The following PCDH15 variants were observed in gnomAD, a reference collection of about 807,000 sequenced individuals.
PCDH15 encodes protocadherin-15.
PCDH15 carries 129 observed loss-of-function variants against 178.5 expected under a neutral mutation model. The observed-to-expected ratio is 0.72, with a 90% CI of 0.63 to 0.84. The LOEUF (loss-of-function observed/expected upper bound fraction) is 0.84. Ranked by LOEUF, PCDH15 falls within the 40% of genes least tolerant of loss-of-function variation. PCDH15 has a pLI of 0.00. For missense variants in PCDH15, 2,230 were observed against 2,099.9 expected (o/e 1.06, Z -1.21); for synonymous variants, 800 against 732.0 (o/e 1.09, Z -1.50).
intron 6 of PCDH15, among the ~76,000 whole-genome samples, chr10:54,337,557 A>G (rs765659815): frequency 1.3e-5 from 2 of 152,158 alleles, no homozygotes; most frequent in African/African-American, 2.4e-5. Context: ...GTGAAAACGG[A>G]CTAACACAAC....
chr10:55,225,986 C>T (rs1841025109), intron 1 of PCDH15, among the ~76,000 whole-genome samples: 2 of 152,058 alleles, frequency 1.3e-5, no homozygotes, highest in South Asian at 4.1e-4. Flanking sequence ...TCCTTGTTGG[C>T]TTTCAGAATG....
At chr10:54,658,150 C>A (rs902484468) in intron 2 of PCDH15, among the ~76,000 whole-genome samples, 1 of 151,290 alleles carries the variant, frequency 6.6e-6, no homozygotes, top group African/African-American at 2.4e-5. Context: ...TGGAAAGCAA[C>A]CAAACCTATA....
chr10:55,095,429 T>C (rs1033758049), intron 2 of PCDH15, among the ~76,000 whole-genome samples: 1 of 152,094 alleles, frequency 6.6e-6, no homozygotes, highest in African/African-American at 2.4e-5. Context: ...AATTTTGAAA[T>C]AAGTTATACA....
At chr10:54,558,072 G>C (rs1185605483) in intron 2 of PCDH15, among the ~76,000 whole-genome samples, 3 of 152,140 alleles carry the variant, frequency 2.0e-5, no homozygotes, top group Admixed American at 2.0e-4. Flanking sequence ...GTATATGATA[G>C]TTGAAATGAT....
chr10:55,128,096 T>A (rs895737452), intron 2 of PCDH15, among the ~76,000 whole-genome samples: 4 of 151,646 alleles, frequency 2.6e-5, no homozygotes, highest in African/African-American at 7.3e-5. Context: ...TGCTTCCAAC[T>A]GGAAGCCACT....
At chr10:53,926,045 A>G (rs1251871270) in intron 25 of PCDH15, among the ~76,000 whole-genome samples, 1 of 152,220 alleles carries the variant, frequency 6.6e-6, no homozygotes, top group African/African-American at 2.4e-5. Flanking sequence ...ACCCAAGATC[A>G]AAAGTATAAA....
intron 8 of PCDH15, among the ~76,000 whole-genome samples, chr10:54,273,291 GAAATAT>G (rs1228425491): frequency 1.3e-5 from 2 of 151,004 alleles, no homozygotes; most frequent in Non-Finnish European, 3.0e-5. Flanking sequence ...AATTATATAG[GAAATAT>G]AAATATAAAC....
chr10:54,223,037 C>G (rs375040846), intron 9 of PCDH15, among the ~76,000 whole-genome samples: 4 of 152,170 alleles, frequency 2.6e-5, no homozygotes, highest in Non-Finnish European at 5.9e-5. Context: ...GCCAGCCGGG[C>G]ACAGTGGCTC....
chr10:54,658,051 C>A (rs1330569711), intron 2 of PCDH15, among the ~76,000 whole-genome samples: 1 of 152,010 alleles, frequency 6.6e-6, no homozygotes, highest in African/African-American at 2.4e-5. Flanking sequence ...CATTCAGAAG[C>A]CTGGTTTTTT....
chr10:53,883,463 A>C lies in PCDH15; in HGVS notation c.3502-16606T>G, dbSNP rs570126788. ...TCTTATTCGTTAAATCTTTGTTTTT[A>C]CAAATCCCTGTGCTAAGGGCTGATA... is the stretch of plus-strand genomic sequence containing the variant. On this transcript the variant is annotated intron_variant, in intron 26 of 37. Coordinates refer to ENST00000644397, the MANE Select transcript of PCDH15 (RefSeq NM_001384140.1). Among the ~76,000 whole-genome samples, 17 of 152,150 alleles carry C rather than the reference A, an allele frequency of 1.1e-4. No homozygotes were observed. In the South Asian group the frequency reaches 3.3e-3, roughly 30 times the overall value.
chr10:55,361,776 C>G (rs1198394769), intron 2 of PCDH15, among the ~76,000 whole-genome samples: 1 of 152,002 alleles, frequency 6.6e-6, no homozygotes, highest in South Asian at 2.1e-4. Context: ...GCCTTACTAT[C>G]AGACCAATAG....
chr10:54,100,593 T>C (rs1167493795), intron 15 of PCDH15, among the ~76,000 whole-genome samples: 2 of 152,282 alleles, frequency 1.3e-5, no homozygotes, highest in Non-Finnish European at 2.9e-5. Context: ...GAATTCAGCA[T>C]AGTGCTTAGC....
intron 18 of PCDH15, among the ~76,000 whole-genome samples, chr10:54,031,179 A>G (rs1457285251): frequency 6.6e-6 from 1 of 151,952 alleles, no homozygotes; most frequent in African/African-American, 2.4e-5. Flanking sequence ...ACACTTTTAC[A>G]ATGTACTACC....
intron 11 of PCDH15, among the ~76,000 whole-genome samples, chr10:54,187,533 A>G (rs2048580953): frequency 6.6e-6 from 1 of 151,890 alleles, no homozygotes; most frequent in Non-Finnish European, 1.5e-5. Context: ...CTCCATAAAT[A>G]GACTTCCTTA....
chr10:55,478,467 T>C (rs186837368), intron 2 of PCDH15, among the ~76,000 whole-genome samples: 70 of 151,358 alleles, frequency 4.6e-4, no homozygotes, highest in African/African-American at 1.6e-3. Flanking sequence ...AAACACAATA[T>C]ACCAAAACCT....
At chr10:55,370,439 C>A (rs975122267) in intron 2 of PCDH15, among the ~76,000 whole-genome samples, 1 of 152,028 alleles carries the variant, frequency 6.6e-6, no homozygotes, top group African/African-American at 2.4e-5. Flanking sequence ...TTCTTTTTGA[C>A]AGCCAAATTG....
At chr10:54,222,835 T>A (rs1331090676) in intron 9 of PCDH15, among the ~76,000 whole-genome samples, 1 of 152,236 alleles carries the variant, frequency 6.6e-6, no homozygotes. Flanking sequence ...TTTTATTAAA[T>A]TGTGTTTTCA....
In PCDH15 at chr10:54,302,583, G is replaced by A. The variant is rs114273778; in HGVS notation, c.876+14688C>T. ...CAAAAGCAGGACCTCCTCAGACATC[G>A]AATCTACTGGTGCCTTTATCTTAGA... On this transcript the variant is annotated intron_variant, in intron 8 of 37. Coordinates refer to ENST00000644397, the MANE Select transcript of PCDH15 (RefSeq NM_001384140.1). Among the ~76,000 whole-genome samples, 386 of 152,228 alleles carry A rather than the reference G, an allele frequency of 2.5e-3. 1 individual carries two copies. Among genetic ancestry groups the A allele is most frequent in the African/African-American group, 6.9e-3 (286 of 41,530 alleles).
intron 29 of PCDH15, among the ~76,000 whole-genome samples, chr10:53,832,441 A>C (rs115032332): frequency 0.013 from 1,971 of 152,062 alleles, 76 homozygotes; most frequent in African/African-American, 0.045. Flanking sequence ...TAATACAACA[A>C]CACCATAAAG....
Sources: allele counts gnomAD v4.1 joint callset (sites outside exome capture counted in the v4.1 genomes callset), GRCh38; gene constraint gnomAD v4.1.1; transcripts MANE v1.5; gene names NCBI Gene and HGNC (gene_info 2026-07-23, HGNC 2026-07-21).